The following TAF3 variants were observed in gnomAD, a reference collection of about 807,000 sequenced individuals.
The protein encoded by TAF3 is TATA-box binding protein associated factor 3.
A neutral mutation model predicts 80.6 loss-of-function variants in TAF3; 7 were observed. The observed-to-expected ratio is 0.09, with a 90% confidence interval of 0.05 to 0.16. The LOEUF is 0.16. Ranked by LOEUF, TAF3 falls within the 10% of genes least tolerant of loss-of-function variation. The pLI, the probability that TAF3 is intolerant of heterozygous loss-of-function variation, is 1.00. For missense variants in TAF3, 921 were observed against 1,140.2 expected (o/e 0.81, Z 2.77); for synonymous variants, 444 against 446.1 (o/e 1.00, Z 0.06).
intron 2 of TAF3, among the ~76,000 whole-genome samples, chr10:7,960,202 T>G (rs1431348827): frequency 6.6e-6 from 1 of 152,248 alleles, no homozygotes; most frequent in Admixed American, 6.5e-5. Flanking sequence ...GAATGTTCAT[T>G]CACTTTCAGA....
At chr10:7,961,372 G>A (rs959351776) in intron 2 of TAF3, among the ~76,000 whole-genome samples, 13 of 152,186 alleles carry the variant, frequency 8.5e-5, no homozygotes, top group Middle Eastern at 6.8e-3. Context: ...ATCATCTCAC[G>A]CGTTCTCCAT....
Position 7,964,777 on chromosome 10 carries a change from C to G in TAF3, c.1267C>G (p.Pro423Ala). ...ATCTGAAGGAGACATTTTTACTAGC[C>G]CTAAGAGAATTTCAGGCCCGGAGTG... ...SESEGDIFTS[P>A]KRISGPECTT... The change falls in exon 3 of 7, where the codon CCT becomes GCT. Residue 423 changes from proline to alanine, a missense_variant. By Grantham distance (27) the Pro-to-Ala change is conservative. Transcript: ENST00000344293. The surrounding 1 kb of genome is among the most constrained non-coding windows in gnomAD (Gnocchi z 4.1). The G allele has an allele frequency of 1.2e-6, 2 of 1,614,078 alleles. No individual in the cohort carries two copies. Among genetic ancestry groups the G allele is most frequent in the Non-Finnish European group, 1.7e-6 (2 of 1,180,024 alleles).
intron 2 of TAF3, among the ~76,000 whole-genome samples, chr10:7,836,136 G>A (rs918247509): frequency 5.3e-5 from 8 of 151,990 alleles, no homozygotes; most frequent in Non-Finnish European, 1.2e-4. Flanking sequence ...CACCTACTAT[G>A]TTTCTCACGT....
chr10:7,872,338 G>A (rs1837275318), intron 2 of TAF3, among the ~76,000 whole-genome samples: 1 of 149,828 alleles, frequency 6.7e-6, no homozygotes, highest in Non-Finnish European at 1.5e-5. Context: ...TGTATAATTA[G>A]CAATGGAGCC....
At chr10:7,989,443 G>A (rs544592662) in intron 4 of TAF3, among the ~76,000 whole-genome samples, 4 of 152,184 alleles carry the variant, frequency 2.6e-5, no homozygotes, top group South Asian at 4.1e-4. Flanking sequence ...ACGGTGCTGA[G>A]AAACATCTGT....
intron 2 of TAF3, among the ~76,000 whole-genome samples, chr10:7,927,883 A>G (rs11255446): frequency 0.52 from 79,341 of 151,838 alleles, 22,504 homozygotes; most frequent in East Asian, 0.7. Context: ...TGCAGAAATA[A>G]CGGGCTATGT....
rs1832025160 is a variant in TAF3, at chr10:8,009,074, A to G, written c.2316-4A>G. 2 of 1,599,328 alleles carry G rather than the reference A, an allele frequency of 1.3e-6. No homozygotes were observed. Among genetic ancestry groups the G allele is most frequent in the South Asian group, 1.1e-5 (1 of 91,010 alleles). On this transcript the variant is annotated splice_region_variant and splice_polypyrimidine_tract_variant and intron_variant, in intron 4 of 6. Coordinates refer to ENST00000344293, the MANE Select transcript of TAF3 (RefSeq NM_031923.4). The surrounding 1 kb of genome is among the most constrained non-coding windows in gnomAD (Gnocchi z 4.1). ...ACTTTTACCTTCTCTTCTTTTGTTG[A>G]CAGTGTCATCAGCAAGGTGGTCCCT...
At chr10:7,929,992 A>G (rs1475798294) in intron 2 of TAF3, among the ~76,000 whole-genome samples, 1 of 152,198 alleles carries the variant, frequency 6.6e-6, no homozygotes, top group Non-Finnish European at 1.5e-5. Context: ...GTTTGAGCCC[A>G]GGACTTCAAG....
At chr10:7,852,262 T>C (rs1019709366) in intron 2 of TAF3, among the ~76,000 whole-genome samples, 7 of 152,176 alleles carry the variant, frequency 4.6e-5, no homozygotes, top group Non-Finnish European at 1.0e-4. Context: ...AATTCTTGAA[T>C]GTCATCAAAT....
chr10:7,846,794 A>G (rs1330146129), intron 2 of TAF3, among the ~76,000 whole-genome samples: 4 of 152,214 alleles, frequency 2.6e-5, no homozygotes, highest in African/African-American at 4.8e-5. Flanking sequence ...ATCATTCATC[A>G]TTACTCATCA....
intron 2 of TAF3, among the ~76,000 whole-genome samples, chr10:7,842,394 A>G (rs754906442): frequency 6.6e-6 from 1 of 152,032 alleles, no homozygotes; most frequent in Non-Finnish European, 1.5e-5. Context: ...TGCAAGGCTC[A>G]ACCAGTCTTC....
intron 2 of TAF3, among the ~76,000 whole-genome samples, chr10:7,929,444 T>G (rs1264122237): frequency 1.3e-5 from 2 of 152,138 alleles, no homozygotes; most frequent in Admixed American, 1.3e-4. Context: ...CTTTGTCAAC[T>G]AGGCTGGAGT....
intron 2 of TAF3, among the ~76,000 whole-genome samples, chr10:7,933,083 A>G (rs1013384791): frequency 7.2e-5 from 9 of 124,472 alleles, no homozygotes; most frequent in African/African-American, 2.4e-4. Context: ...AGAAGGGGGG[A>G]TAAGATAAAG....
In TAF3 at chr10:7,990,927, C is replaced by T. The variant is rs555817715; in HGVS notation, c.2315+13604C>T. ...GCTGGAAACTTCTCGAGCCCCTCTC[C>T]GTAGTCCTAGATGTTAGGGGCAGAA... On this transcript the variant is annotated intron_variant, in intron 4 of 6. Transcript: ENST00000344293. 5.3e-5 allele frequency among the ~76,000 whole-genome samples: 8 copies of T among 152,312 alleles called. No homozygotes were observed. The South Asian group carries it at 8.3e-4, about 16-fold the overall frequency.
intron 4 of TAF3, among the ~76,000 whole-genome samples, chr10:7,985,946 G>A (rs1831772700): frequency 1.3e-5 from 2 of 151,950 alleles, no homozygotes; most frequent in African/African-American, 4.8e-5. Flanking sequence ...CCCACACCCA[G>A]CTAATTTTTG....
intron 3 of TAF3, among the ~76,000 whole-genome samples, chr10:7,973,642 A>T (rs1352818522): frequency 6.6e-6 from 1 of 152,230 alleles, no homozygotes; most frequent in East Asian, 1.9e-4. Flanking sequence ...AAAAACCTTA[A>T]TGAGCACATT....
chr10:7,837,087 G>A (rs1836858598), intron 2 of TAF3, among the ~76,000 whole-genome samples: 1 of 152,182 alleles, frequency 6.6e-6, no homozygotes, highest in Admixed American at 6.5e-5. Context: ...ATCTGGCCAG[G>A]CGTGGTGGCT....
At position 7,882,416 on chromosome 10, in the gene TAF3, G is replaced by A. The variant is rs530545911; in HGVS notation, c.409+57856G>A. Among the ~76,000 whole-genome samples the A allele has an allele frequency of 2.0e-5, 3 of 152,246 alleles. No individual in the cohort carries two copies. The East Asian group carries it at 5.8e-4, about 29-fold the overall frequency. Reference sequence around the variant, plus strand: ...TCATTTTATAACAGAGGAAATAATTGTTACAGGGATGAGAAAAGGAATCTT... The same window carrying A: ...TCATTTTATAACAGAGGAAATAATTATTACAGGGATGAGAAAAGGAATCTT... On this transcript the variant is annotated intron_variant, in intron 2 of 6. Coordinates refer to ENST00000344293, the MANE Select transcript of TAF3 (RefSeq NM_031923.4).
At chr10:7,987,352 C>T (rs558606309) in intron 4 of TAF3, among the ~76,000 whole-genome samples, 105 of 152,158 alleles carry the variant, frequency 6.9e-4, no homozygotes, top group African/African-American at 2.4e-3. Context: ...AATTATCTTA[C>T]ACATACTGTT....
Sources: gnomAD v4.1 joint callset for allele counts (sites outside exome capture counted in the v4.1 genomes callset) on GRCh38, gnomAD v4.1.1 for gene constraint, Gnocchi (gnomAD v3.1) non-coding constraint, MANE v1.5 for transcripts, NCBI Gene and HGNC (gene_info 2026-07-23, HGNC 2026-07-21) for gene names.